Variants in ROBO2 observed in about 807,000 individuals in gnomAD.
ROBO2 encodes the protein roundabout homolog 2.
Under a neutral mutation model 160.8 loss-of-function variants are expected in ROBO2, and 53 were observed. That is an observed-to-expected ratio of 0.33 (90% CI 0.26 to 0.41). ROBO2 has a LOEUF of 0.41. Ranked by LOEUF, ROBO2 falls within the 10% of genes least tolerant of loss-of-function variation. The pLI is 1.00. For synonymous variants in ROBO2, 664 were observed against 611.7 expected, an observed-to-expected ratio of 1.09 and a Z score of -1.26; for missense variants, 1,577 against 1,722.4, an observed-to-expected ratio of 0.92 and a Z score of 1.49.
intron 2 of ROBO2, among the ~76,000 whole-genome samples, chr3:77,412,809 T>A (rs1450029055): frequency 6.6e-6 from 1 of 152,268 alleles, no homozygotes; most frequent in African/African-American, 2.4e-5. Context: ...GCCTCTGCCC[T>A]GGGGCACTGG....
chr3:77,546,589 G>A lies in ROBO2; in HGVS notation c.1059+127G>A. 15 of 1,208,350 alleles carry A rather than the reference G, an allele frequency of 1.2e-5. No individual in the cohort carries two copies. In the South Asian group the frequency reaches 1.9e-4, roughly 15 times the overall value. 74.9% of individuals were successfully genotyped at this position (1,208,350 alleles called of 1,614,324 possible). On this transcript the variant is annotated intron_variant, in intron 7 of 25. Coordinates refer to ENST00000461745, the Ensembl canonical transcript of ROBO2. Reference sequence around the variant, plus strand: ...TTATTTTATTTCTGAAAAAGAGACTGGTGAATGTAAAAATAAGTAGGAGTC... The same window carrying A: ...TTATTTTATTTCTGAAAAAGAGACTAGTGAATGTAAAAATAAGTAGGAGTC...
chr3:77,632,919 T>C, intron 23 of ROBO2: 1 of 286,982 alleles, frequency 3.5e-6, no homozygotes, highest in Non-Finnish European at 6.4e-6. Context: ...GCTTCCTTTT[T>C]ATATTACGGC....
intron 2 of ROBO2, among the ~76,000 whole-genome samples, chr3:76,168,222 A>G (rs2072908806): frequency 6.6e-6 from 1 of 152,192 alleles, no homozygotes; most frequent in South Asian, 2.1e-4. Flanking sequence ...TTCAATGTCA[A>G]ACCCTTAAAC....
At chr3:76,886,261 T>G (rs55919854) in intron 2 of ROBO2, among the ~76,000 whole-genome samples, 1 of 135,558 alleles carries the variant, frequency 7.4e-6, no homozygotes, top group South Asian at 2.1e-4. Flanking sequence ...TCCAAAAAAA[T>G]ATATATATAT....
At chr3:76,781,972 A>T (rs563765912) in intron 2 of ROBO2, among the ~76,000 whole-genome samples, 1 of 150,900 alleles carries the variant, frequency 6.6e-6, no homozygotes, top group East Asian at 2.0e-4. Flanking sequence ...GCATTCATCC[A>T]TGAAGCCATC....
chr3:76,700,862 T>C (rs2593876), intron 2 of ROBO2, among the ~76,000 whole-genome samples: 51,982 of 152,042 alleles, frequency 0.34, 9,654 homozygotes, highest in East Asian at 0.56. Context: ...ATGTCTGTAA[T>C]AATACATTTT....
intron 14 of ROBO2, 33 bp from the exon 16 acceptor site, chr3:77,577,457 A>C (rs770651392): frequency 6.2e-7 from 1 of 1,612,930 alleles, no homozygotes; most frequent in East Asian, 2.2e-5. Flanking sequence ...CAAGGCTTAT[A>C]GTTTGCATTT....
At chr3:76,708,376 A>G (rs979862784) in intron 2 of ROBO2, among the ~76,000 whole-genome samples, 33 of 152,186 alleles carry the variant, frequency 2.2e-4, no homozygotes, top group African/African-American at 8.0e-4. Context: ...AGGAAAGAAC[A>G]TGGCAGAATT....
chr3:76,024,939 ATATATATATATATTATATATATGTGTG>A (rs2066691473), intron 2 of ROBO2, among the ~76,000 whole-genome samples: 1 of 148,908 alleles, frequency 6.7e-6, no homozygotes, highest in Non-Finnish European at 1.5e-5. Flanking sequence ...GTGTGTGCGT[ATATATATATATATTATATATATGTGTG>A]TATATATATA....
chr3:77,131,901 T>A (rs914078551), intron 2 of ROBO2, among the ~76,000 whole-genome samples: 30 of 152,226 alleles, frequency 2.0e-4, no homozygotes, highest in African/African-American at 7.2e-4. Context: ...TCTGGTAGAG[T>A]GTTTATATAC....
chr3:76,988,300 A>T (rs1182449275), intron 2 of ROBO2, among the ~76,000 whole-genome samples: 1 of 152,178 alleles, frequency 6.6e-6, no homozygotes, highest in African/African-American at 2.4e-5. Context: ...AGGGGAATGG[A>T]TGGTTGCCAA....
intron 2 of ROBO2, among the ~76,000 whole-genome samples, chr3:77,395,746 G>A (rs2075217291): frequency 1.3e-5 from 2 of 151,972 alleles, no homozygotes; most frequent in African/African-American, 4.8e-5. Flanking sequence ...TTTATTACCA[G>A]AATTTTTAAG....
At chr3:77,284,888 T>A (rs777955561) in intron 2 of ROBO2, among the ~76,000 whole-genome samples, 1 of 152,200 alleles carries the variant, frequency 6.6e-6, no homozygotes, top group Non-Finnish European at 1.5e-5. Flanking sequence ...TCATTAACCG[T>A]ACCTCACTTC....
At chr3:76,641,614 GA>G (rs1250542294) in intron 2 of ROBO2, among the ~76,000 whole-genome samples, 2 of 151,644 alleles carry the variant, frequency 1.3e-5, no homozygotes, top group Non-Finnish European at 2.9e-5. Context: ...AGATGTTTGA[GA>G]AAAACAAAAA....
At chr3:76,821,805 T>C (rs2066143979) in intron 2 of ROBO2, among the ~76,000 whole-genome samples, 1 of 151,974 alleles carries the variant, frequency 6.6e-6, no homozygotes, top group African/African-American at 2.4e-5. Context: ...ACAGAAACAG[T>C]AAAAAACTGA....
chr3:77,424,175 C>G (rs1413961599), intron 2 of ROBO2, among the ~76,000 whole-genome samples: 3 of 152,044 alleles, frequency 2.0e-5, no homozygotes, highest in African/African-American at 7.2e-5. Flanking sequence ...AATAGTAACT[C>G]TGGGATAACT....
intron 6 of ROBO2, among the ~76,000 whole-genome samples, chr3:77,526,935 G>C (rs757830352): frequency 6.6e-6 from 1 of 151,392 alleles, no homozygotes; most frequent in Non-Finnish European, 1.5e-5. Flanking sequence ...GAAAAGCAGC[G>C]TCAGGGGCTT....
intron 2 of ROBO2, among the ~76,000 whole-genome samples, chr3:76,086,130 T>G (rs1197835437): frequency 6.6e-6 from 1 of 152,060 alleles, no homozygotes; most frequent in Non-Finnish European, 1.5e-5. Flanking sequence ...GAAAAGGGGT[T>G]TAATTGACTC....
chr3:76,556,469 T>C (rs2083796954), intron 2 of ROBO2, among the ~76,000 whole-genome samples: 1 of 152,152 alleles, frequency 6.6e-6, no homozygotes, highest in Non-Finnish European at 1.5e-5. Flanking sequence ...TATATGTAAG[T>C]GATTTGGTAT....
Sources: gnomAD v4.1 joint callset for allele counts (sites outside exome capture counted in the v4.1 genomes callset) on GRCh38, gnomAD v4.1.1 for gene constraint, MANE v1.5 for transcripts, NCBI Gene and HGNC (gene_info 2026-07-23, HGNC 2026-07-21) for gene names.